The following ADAMTS19 variants were observed in gnomAD, a reference collection of about 807,000 sequenced individuals.
ADAMTS19 encodes the protein ADAM metallopeptidase with thrombospondin type 1 motif 19, also known as A disintegrin and metalloproteinase with thrombospondin motifs 19.
In ADAMTS19, 93 loss-of-function variants were observed where a neutral mutation model predicts 153.3. That is an observed-to-expected ratio of 0.61 (90% CI 0.51 to 0.72). The LOEUF is 0.72. Ranked by LOEUF, ADAMTS19 falls within the 30% of genes least tolerant of loss-of-function variation. The pLI, the probability that ADAMTS19 is intolerant of heterozygous loss-of-function variation, is 0.00. For missense variants in ADAMTS19, 1,482 were observed against 1,552.1 expected, an observed-to-expected ratio of 0.95 and a Z score of 0.76; for synonymous variants, 600 against 556.6, an observed-to-expected ratio of 1.08 and a Z score of -1.10.
At chr5:129,698,557 T>C (rs1755676095) in intron 19 of ADAMTS19, among the ~76,000 whole-genome samples, 1 of 152,244 alleles carries the variant, frequency 6.6e-6, no homozygotes, top group Non-Finnish European at 1.5e-5. Context: ...TTTTCTTTCA[T>C]TAGAATACGT....
At chr5:129,731,530 G>A (rs6595921) in intron 21 of ADAMTS19, among the ~76,000 whole-genome samples, 2,387 of 152,082 alleles carry the variant, frequency 0.016, 62 homozygotes, top group African/African-American at 0.053. Context: ...AAATTTTGAA[G>A]GAATGCATTT....
At chr5:129,526,199 T>C in intron 3 of ADAMTS19, 85 bp from the exon 4 acceptor site, 1 of 1,170,888 alleles carries the variant, frequency 8.5e-7, no homozygotes, top group Non-Finnish European at 1.1e-6. Context: ...GGAACTTATT[T>C]GGGTTTGCTC....
chr5:129,632,521 C>T (rs888428956), intron 10 of ADAMTS19, among the ~76,000 whole-genome samples: 1 of 151,846 alleles, frequency 6.6e-6, no homozygotes, highest in African/African-American at 2.4e-5. Context: ...TTCATGACTT[C>T]CTGAAGATAG....
intron 21 of ADAMTS19, among the ~76,000 whole-genome samples, chr5:129,728,337 T>C (rs1013514032): frequency 3.3e-5 from 5 of 152,154 alleles, no homozygotes; most frequent in African/African-American, 1.2e-4. Flanking sequence ...CTGCCTATGG[T>C]GTAGCCCTTC....
chr5:129,596,772 TG>T (rs1234132101), intron 8 of ADAMTS19, 108 bp downstream of exon 8: 18 of 817,480 alleles, frequency 2.2e-5, no homozygotes, highest in Non-Finnish European at 3.2e-5. Flanking sequence ...TTCAAGTTTT[TG>T]AAAAACTAGG....
At chr5:129,472,713 A>T (rs1750106851) in intron 2 of ADAMTS19, among the ~76,000 whole-genome samples, 1 of 151,866 alleles carries the variant, frequency 6.6e-6, no homozygotes, top group Non-Finnish European at 1.5e-5. Flanking sequence ...TATCAGTAAA[A>T]TTGTAGCAGG....
intron 2 of ADAMTS19, among the ~76,000 whole-genome samples, chr5:129,483,904 G>C (rs999596246): frequency 2.0e-5 from 3 of 152,098 alleles, no homozygotes; most frequent in Non-Finnish European, 4.4e-5. Flanking sequence ...CTTTGAATGG[G>C]GGGTGGGGAG....
At chr5:129,483,515 A>C (rs781715863) in intron 2 of ADAMTS19, among the ~76,000 whole-genome samples, 1 of 152,208 alleles carries the variant, frequency 6.6e-6, no homozygotes, top group Non-Finnish European at 1.5e-5. Context: ...GTGACAGCCC[A>C]GAATGTATGC....
intron 2 of ADAMTS19, among the ~76,000 whole-genome samples, chr5:129,490,604 A>G (rs565286602): frequency 6.6e-6 from 1 of 152,324 alleles, no homozygotes; most frequent in Non-Finnish European, 1.5e-5. Context: ...TACATCTACT[A>G]TCCTGCTTGT....
chr5:129,684,437 A>C (rs1454603946), intron 18 of ADAMTS19, among the ~76,000 whole-genome samples, 164 bp downstream of exon 18: 1 of 152,210 alleles, frequency 6.6e-6, no homozygotes, highest in Non-Finnish European at 1.5e-5. Flanking sequence ...AACACCTGAA[A>C]TACTTAGAAT....
At chr5:129,512,664 T>C (rs894767785) in intron 3 of ADAMTS19, among the ~76,000 whole-genome samples, 2 of 152,058 alleles carry the variant, frequency 1.3e-5, no homozygotes, top group Non-Finnish European at 2.9e-5. Context: ...AACTGACAGA[T>C]TGGGGCCAAC....
At chr5:129,609,968 A>G (rs896381836) in intron 8 of ADAMTS19, among the ~76,000 whole-genome samples, 12 of 152,120 alleles carry the variant, frequency 7.9e-5, no homozygotes, top group African/African-American at 2.7e-4. Flanking sequence ...TGGTGTTTCT[A>G]TGATCCTATA....
chr5:129,490,132 A>G (rs995759833), intron 2 of ADAMTS19, among the ~76,000 whole-genome samples: 1 of 152,220 alleles, frequency 6.6e-6, no homozygotes, highest in Admixed American at 6.5e-5. Flanking sequence ...CCGGCATTCC[A>G]GGAAATGTCT....
chr5:129,578,661 T>C (rs1447238056), intron 7 of ADAMTS19, among the ~76,000 whole-genome samples: 1 of 152,054 alleles, frequency 6.6e-6, no homozygotes, highest in Admixed American at 6.6e-5. Flanking sequence ...TTCTCATTGT[T>C]CAATGCCCAC....
intron 7 of ADAMTS19, among the ~76,000 whole-genome samples, chr5:129,586,084 C>CG (rs1749779682): frequency 1.3e-5 from 2 of 152,038 alleles, no homozygotes; most frequent in Non-Finnish European, 2.9e-5. Flanking sequence ...TCTTACACCC[C>CG]CTGTCCACAC....
At chr5:129,511,269 T>A (rs1039817588) in intron 3 of ADAMTS19, among the ~76,000 whole-genome samples, 1 of 151,890 alleles carries the variant, frequency 6.6e-6, no homozygotes, top group Non-Finnish European at 1.5e-5. Context: ...ATGTATTGCT[T>A]ACATGAATAT....
At chr5:129,664,702 T>C (rs1487628788) in intron 15 of ADAMTS19, among the ~76,000 whole-genome samples, 1 of 152,066 alleles carries the variant, frequency 6.6e-6, no homozygotes, top group Non-Finnish European at 1.5e-5. Flanking sequence ...TTCACAGAAC[T>C]ACTAAGAACA....
At position 129,461,669 on chromosome 5, in the gene ADAMTS19, C is replaced by A. The variant is rs550634376; in HGVS notation, c.659C>A (p.Ala220Glu). The A allele has an allele frequency of 3.2e-6, 5 of 1,581,890 alleles. No homozygotes were observed. In the African/African-American group the frequency reaches 5.5e-5, roughly 17 times the overall value. ...TGAASAPQPP[A>E]PPDAGCFYTG... is the part of the protein sequence containing the mutation. ...GCAGCATCCGCCCCGCAACCTCCCG[C>A]GCCACCAGACGCAGGCTGCTTCTAC... Residue 220 changes from alanine (A) to glutamate (E), a missense_variant, in exon 2 of 23, where the codon GCG becomes GAG. Around this residue, in one of 2 missense-constraint regions of ADAMTS19, gnomAD observed 866 missense variants for 827.7 expected, o/e 1.05. Coordinates refer to ENST00000274487, the MANE Select transcript of ADAMTS19 (RefSeq NM_133638.6). This position sits in a 1 kb window ranked among gnomAD's most constrained non-coding sequence, Gnocchi z 4.6.
intron 8 of ADAMTS19, among the ~76,000 whole-genome samples, chr5:129,610,178 G>T (rs532294831): frequency 2.0e-5 from 3 of 151,848 alleles, no homozygotes; most frequent in Admixed American, 6.6e-5. Context: ...ATATGTGAAG[G>T]GTGTAGAAGT....
Sources: allele counts gnomAD v4.1 joint callset (sites outside exome capture counted in the v4.1 genomes callset), GRCh38; gene constraint gnomAD v4.1.1; regional missense constraint gnomAD v4.1.1; non-coding constraint Gnocchi (gnomAD v3.1); transcripts MANE v1.5; gene names NCBI Gene and HGNC (gene_info 2026-07-23, HGNC 2026-07-21).